Variants in SVIL observed in about 807,000 individuals in gnomAD.
SVIL encodes supervillin.
A neutral mutation model predicts 240.4 loss-of-function variants in SVIL; 101 were observed. The ratio of observed to expected loss-of-function variants is 0.42; its 90% CI spans 0.36 to 0.50. The LOEUF is 0.50. Among genes scored for constraint, SVIL ranks in the 20% least tolerant of loss-of-function variants. The pLI is 0.01. For synonymous variants in SVIL, 999 were observed against 1,100.0 expected (o/e 0.91, Z 1.82); for missense variants, 2,512 against 2,818.7 (o/e 0.89, Z 2.46).
intron 1 of SVIL, among the ~76,000 whole-genome samples, chr10:29,582,727 G>C (rs1257632806): frequency 8.1e-6 from 1 of 123,970 alleles, no homozygotes; most frequent in Non-Finnish European, 1.6e-5. Context: ...GTGAGACCCT[G>C]TCTCTAATAA....
intron 1 of SVIL, among the ~76,000 whole-genome samples, chr10:29,734,601 A>C (rs1351825218): frequency 6.6e-6 from 1 of 152,138 alleles, no homozygotes; most frequent in Non-Finnish European, 1.5e-5. Flanking sequence ...AGCCCTTCAT[A>C]AAAACCAGTG....
intron 1 of SVIL, among the ~76,000 whole-genome samples, chr10:29,732,313 T>C (rs972605132): frequency 1.3e-5 from 2 of 152,170 alleles, no homozygotes; most frequent in African/African-American, 2.4e-5. Flanking sequence ...TATCAATTGT[T>C]TAAAAGAGCA....
chr10:29,708,078 A>G (rs1234746489), intron 1 of SVIL, among the ~76,000 whole-genome samples: 1 of 151,446 alleles, frequency 6.6e-6, no homozygotes, highest in Non-Finnish European at 1.5e-5. Context: ...TAACACGGTG[A>G]AACCCCGTCT....
intron 18 of SVIL, among the ~76,000 whole-genome samples, chr10:29,498,088 CAAAAAAAAAAA>C (rs34280398): frequency 8.3e-4 from 31 of 37,488 alleles, no homozygotes; most frequent in African/African-American, 1.7e-3. Flanking sequence ...TCCCCTCCAC[CAAAAAAAAAAA>C]AAAAAAAAAA....
intron 1 of SVIL, among the ~76,000 whole-genome samples, chr10:29,691,930 C>G (rs1195678495): frequency 6.6e-6 from 1 of 152,198 alleles, no homozygotes; most frequent in Admixed American, 6.5e-5. Context: ...AGCTGCTCAG[C>G]TCTGGTCCCC....
rs1226468647 is a variant in SVIL, at chr10:29,735,181, G to A, written c.-400+570C>T. 6.6e-6 allele frequency among the ~76,000 whole-genome samples: 1 copy of A among 152,134 alleles called. No homozygotes were observed. On this transcript the variant is annotated intron_variant, in intron 1 of 35. Transcript: ENST00000375400. This position sits in a 1 kb window ranked among gnomAD's most constrained non-coding sequence, Gnocchi z 4.1. ...ACGCGCGCAGAAACGTGGGCAGCTGGGGTGGCCTGGCGCACCACGCATCGG... is the reference window on the plus strand; with the variant it reads ...ACGCGCGCAGAAACGTGGGCAGCTGAGGTGGCCTGGCGCACCACGCATCGG...
At chr10:29,625,461 A>T (rs1957824409) in intron 1 of SVIL, among the ~76,000 whole-genome samples, 1 of 151,648 alleles carries the variant, frequency 6.6e-6, no homozygotes, top group African/African-American at 2.4e-5. Flanking sequence ...ACATATATAT[A>T]TATTTTTTTT....
Position 29,465,629 on chromosome 10 carries a change from G to T in SVIL, c.6099C>A (p.Phe2033Leu). The T allele has an allele frequency of 6.2e-7, 1 of 1,613,934 alleles. No homozygotes were observed. The highest frequency in any genetic ancestry group is 8.5e-7 in the Non-Finnish European group (1 of 1,180,008). ...RAPSVVSSMP[F>L]LQEDLYSAPQ... ...GCGCGCTGTACAGATCTTCCTGCAG[G>T]AAGGGCATGGAACTGACCACAGAGG... Residue 2033 changes from phenylalanine (F) to leucine (L), a missense_variant, in exon 34 of 38, where the codon TTC becomes TTA. By Grantham distance (22) the Phe-to-Leu change is conservative. Transcript: ENST00000355867.
intron 1 of SVIL, among the ~76,000 whole-genome samples, chr10:29,603,564 C>T (rs1432371193): frequency 6.6e-6 from 1 of 152,152 alleles, no homozygotes; most frequent in Non-Finnish European, 1.5e-5. Context: ...CTAATTTCTT[C>T]ACCTGTAGGT....
chr10:29,499,543 A>T (rs376280690), intron 17 of SVIL, among the ~76,000 whole-genome samples: 1 of 152,184 alleles, frequency 6.6e-6, no homozygotes, highest in African/African-American at 2.4e-5. Context: ...CTTTGTAAGC[A>T]CAAACAATTA....
intron 1 of SVIL, among the ~76,000 whole-genome samples, chr10:29,617,086 C>T (rs989775836): frequency 3.3e-5 from 5 of 152,068 alleles, no homozygotes; most frequent in East Asian, 1.9e-4. Flanking sequence ...ACTAAAATAA[C>T]GCTTATCTTC....
intron 2 of SVIL, among the ~76,000 whole-genome samples, chr10:29,672,839 A>G (rs1005882650): frequency 6.6e-6 from 1 of 151,676 alleles, no homozygotes; most frequent in Non-Finnish European, 1.5e-5. Context: ...AAAAAATTCC[A>G]TATCTTGTTT....
chr10:29,526,860 C>T, intron 13 of SVIL, 101 bp downstream of exon 13: 1 of 1,001,342 alleles, frequency 1.0e-6, no homozygotes, highest in Non-Finnish European at 1.4e-6. Flanking sequence ...ACGGCATTGA[C>T]TTGTTTGTCA....
intron 23 of SVIL, among the ~76,000 whole-genome samples, chr10:29,488,132 G>T (rs1455535781): frequency 4.6e-5 from 7 of 152,260 alleles, no homozygotes; most frequent in South Asian, 2.1e-4. Flanking sequence ...GGCTTCATCT[G>T]CGTCGAACTT....
At chr10:29,709,493 G>A (rs75396527) in intron 1 of SVIL, among the ~76,000 whole-genome samples, 2,994 of 152,234 alleles carry the variant, frequency 0.02, 73 homozygotes, top group South Asian at 0.084. Flanking sequence ...TTTGAATTAC[G>A]GGAGCTGGAC....
chr10:29,679,042 C>T (rs1303690908), intron 2 of SVIL, among the ~76,000 whole-genome samples: 2 of 152,176 alleles, frequency 1.3e-5, no homozygotes, highest in Non-Finnish European at 2.9e-5. Context: ...CCCATCTCTA[C>T]TAAAAATGCA....
chr10:29,497,815 C>G (rs1399158117), intron 18 of SVIL, among the ~76,000 whole-genome samples: 1 of 152,112 alleles, frequency 6.6e-6, no homozygotes, highest in Non-Finnish European at 1.5e-5. Flanking sequence ...GGCGGGGTGG[C>G]TCATGCCTGT....
intron 3 of SVIL, among the ~76,000 whole-genome samples, chr10:29,640,169 C>T (rs1790683898): frequency 6.6e-6 from 1 of 152,132 alleles, no homozygotes; most frequent in African/African-American, 2.4e-5. Flanking sequence ...ATGTGCTTCC[C>T]AGCAAGTTTT....
intron 1 of SVIL, among the ~76,000 whole-genome samples, chr10:29,599,838 A>G (rs1252072890): frequency 6.6e-6 from 1 of 152,136 alleles, no homozygotes; most frequent in African/African-American, 2.4e-5. Context: ...CCAAATGTGG[A>G]AGATGTTCAT....
Sources: allele counts gnomAD v4.1 joint callset (sites outside exome capture counted in the v4.1 genomes callset), GRCh38; gene constraint gnomAD v4.1.1; non-coding constraint Gnocchi (gnomAD v3.1); transcripts MANE v1.5; gene names NCBI Gene and HGNC (gene_info 2026-07-23, HGNC 2026-07-21).